Variants in ZNF423 observed in about 807,000 individuals in gnomAD.
The protein encoded by ZNF423 is zinc finger protein 423.
Under a neutral mutation model 95.8 loss-of-function variants are expected in ZNF423, and 12 were observed. The observed-to-expected ratio is 0.13, with a 90% CI of 0.08 to 0.20. The LOEUF is 0.20. Ranked by LOEUF, ZNF423 falls within the 10% of genes least tolerant of loss-of-function variation. ZNF423 has a pLI of 1.00. For missense variants in ZNF423, 1,316 were observed against 1,737.1 expected (o/e 0.76, Z 4.31); for synonymous variants, 749 against 711.9 (o/e 1.05, Z -0.83).
intron 2 of ZNF423, among the ~76,000 whole-genome samples, chr16:49,734,538 G>A (rs187015625): frequency 1.3e-5 from 2 of 152,322 alleles, no homozygotes; most frequent in African/African-American, 4.8e-5. Flanking sequence ...AGGGCTTCCC[G>A]AAAACAGCCG....
chr16:49,768,649 T>TCGATGTCCCAACCTTCAATGC (rs2033973892), intron 2 of ZNF423, among the ~76,000 whole-genome samples: 1 of 152,080 alleles, frequency 6.6e-6, no homozygotes, highest in African/African-American at 2.4e-5. Context: ...TCCTTCAACG[T>TCGATGTCCCAACCTTCAATGC]CGATGTCCCA....
intron 5 of ZNF423, among the ~76,000 whole-genome samples, chr16:49,619,824 C>T (rs1241836876): frequency 6.6e-6 from 1 of 152,040 alleles, no homozygotes; most frequent in African/African-American, 2.4e-5. Context: ...AGACAGGAAC[C>T]CCTTTTTCTT....
chr16:49,519,713 C>T (rs891703563), intron 7 of ZNF423, among the ~76,000 whole-genome samples: 2 of 152,206 alleles, frequency 1.3e-5, no homozygotes, highest in East Asian at 1.9e-4. Flanking sequence ...CAAAAGCAAA[C>T]TTCTTACATT....
At chr16:49,634,455 T>C (rs533481353) in intron 4 of ZNF423, among the ~76,000 whole-genome samples, 7 of 152,076 alleles carry the variant, frequency 4.6e-5, no homozygotes, top group African/African-American at 1.7e-4. Context: ...GAAGTCAAGG[T>C]CAGCAGGCAC....
intron 1 of ZNF423, among the ~76,000 whole-genome samples, chr16:49,827,251 GC>G (rs1567362083): frequency 6.6e-6 from 1 of 151,940 alleles, no homozygotes; most frequent in African/African-American, 2.4e-5. Context: ...GCAGGCCCCC[GC>G]CTCATCCCTC....
At chr16:49,563,723 A>C (rs1208586068) in intron 5 of ZNF423, among the ~76,000 whole-genome samples, 1 of 151,924 alleles carries the variant, frequency 6.6e-6, no homozygotes, top group African/African-American at 2.4e-5. Flanking sequence ...AATGGCATCC[A>C]CCTGCACCTC....
At chr16:49,702,862 T>C (rs1023641457) in intron 3 of ZNF423, among the ~76,000 whole-genome samples, 5 of 151,948 alleles carry the variant, frequency 3.3e-5, no homozygotes, top group Non-Finnish European at 7.4e-5. Context: ...CACAGACCCA[T>C]GTGTGCTGGA....
chr16:49,742,738 A>G (rs1263305229), intron 2 of ZNF423, among the ~76,000 whole-genome samples: 1 of 152,160 alleles, frequency 6.6e-6, no homozygotes, highest in African/African-American at 2.4e-5. Context: ...AATTGCTCTC[A>G]GTCCTGGAGC....
At chr16:49,544,506 G>T (rs111524288) in intron 5 of ZNF423, among the ~76,000 whole-genome samples, 110 of 152,316 alleles carry the variant, frequency 7.2e-4, no homozygotes, top group African/African-American at 2.5e-3. Context: ...TTTGGGATGG[G>T]GGTCGAGGTA....
At chr16:49,582,444 C>T (rs140191729) in intron 5 of ZNF423, among the ~76,000 whole-genome samples, 1 of 152,344 alleles carries the variant, frequency 6.6e-6, no homozygotes, top group African/African-American at 2.4e-5. Context: ...AAATAAGTTA[C>T]GGTGCAGCCA....
At chr16:49,727,290 A>G (rs191116004) in intron 3 of ZNF423, among the ~76,000 whole-genome samples, 7 of 152,238 alleles carry the variant, frequency 4.6e-5, no homozygotes, top group East Asian at 3.9e-4. Flanking sequence ...CGAGCTCCCA[A>G]CTGGAAATGA....
chr16:49,654,813 A>G (rs377446697), intron 3 of ZNF423, among the ~76,000 whole-genome samples: 6 of 152,328 alleles, frequency 3.9e-5, no homozygotes, highest in African/African-American at 1.4e-4. Flanking sequence ...CCTCTCCAGC[A>G]TTTCAGCAAA....
intron 3 of ZNF423, among the ~76,000 whole-genome samples, chr16:49,649,498 T>C (rs1471481001): frequency 6.6e-6 from 1 of 152,162 alleles, no homozygotes; most frequent in Non-Finnish European, 1.5e-5. Context: ...TTAGGATGCC[T>C]GCTCTAAATA....
intron 7 of ZNF423, among the ~76,000 whole-genome samples, chr16:49,508,088 C>G (rs1967724319): frequency 6.6e-6 from 1 of 152,168 alleles, no homozygotes; most frequent in African/African-American, 2.4e-5. Flanking sequence ...CCTCTCTGTG[C>G]CTCATTTTGC....
At chr16:49,854,319 G>C in intron 1 of ZNF423, 1 of 985,422 alleles carries the variant, frequency 1.0e-6, no homozygotes, top group Non-Finnish European at 1.2e-6. Flanking sequence ...GAGGATCTCT[G>C]CTGGGCCGGG....
chr16:49,721,566 C>T (rs1403549498), intron 3 of ZNF423, among the ~76,000 whole-genome samples: 2 of 152,148 alleles, frequency 1.3e-5, no homozygotes, highest in African/African-American at 2.4e-5. Context: ...GACAGCCCAC[C>T]TCGCTCCCCA....
intron 5 of ZNF423, among the ~76,000 whole-genome samples, chr16:49,604,705 A>G (rs9922046): frequency 0.22 from 34,144 of 151,896 alleles, 4,301 homozygotes; most frequent in African/African-American, 0.34. Flanking sequence ...CCATCTGGTC[A>G]TGCAACCTGA....
intron 5 of ZNF423, among the ~76,000 whole-genome samples, chr16:49,568,219 A>T (rs11640355): frequency 0.11 from 16,837 of 152,184 alleles, 1,027 homozygotes; most frequent in East Asian, 0.15. Context: ...TTCTGGTATT[A>T]TGGAGGTTAA....
intron 3 of ZNF423, among the ~76,000 whole-genome samples, chr16:49,711,061 G>A (rs542456983): frequency 2.0e-5 from 3 of 152,192 alleles, no homozygotes; most frequent in Non-Finnish European, 4.4e-5. Flanking sequence ...GTGGAACGGG[G>A]TGAGATGGGA....
Sources: allele counts gnomAD v4.1 joint callset (sites outside exome capture counted in the v4.1 genomes callset), GRCh38; gene constraint gnomAD v4.1.1; transcripts MANE v1.5; gene names NCBI Gene and HGNC (gene_info 2026-07-23, HGNC 2026-07-21).